RASA3: variants seen among roughly 807,000 people sequenced by gnomAD.
RASA3 encodes the protein ras GTPase-activating protein 3.
RASA3 carries 73 observed loss-of-function variants against 110.0 expected under a neutral mutation model. The observed-to-expected ratio is 0.66, with a 90% confidence interval of 0.55 to 0.81. RASA3 has a LOEUF of 0.81. Among genes scored for constraint, RASA3 ranks in the 30% least tolerant of loss-of-function variants. The probability of loss-of-function intolerance (pLI) is 0.00; values close to 1 mark genes in which losing one functional copy is unlikely to be tolerated. For synonymous variants in RASA3, 500 were observed against 451.4 expected (o/e 1.11, Z -1.37); for missense variants, 976 against 1,113.2 (o/e 0.88, Z 1.75).
intron 1 of RASA3, among the ~76,000 whole-genome samples, chr13:114,116,292 A>T (rs1371245254): frequency 6.6e-6 from 1 of 152,166 alleles, no homozygotes; most frequent in Non-Finnish European, 1.5e-5. Context: ...GCAACTCTGA[A>T]ACACACATAC....
chr13:113,980,206 TCCC>T (rs1390512442), intron 23 of RASA3, among the ~76,000 whole-genome samples: 6 of 131,538 alleles, frequency 4.6e-5, no homozygotes, highest in African/African-American at 8.8e-5. Flanking sequence ...CACCACCTCC[TCCC>T]ATGTGTGTGC....
intron 3 of RASA3, among the ~76,000 whole-genome samples, chr13:114,044,866 C>G (rs2079026803): frequency 6.6e-6 from 1 of 152,036 alleles, no homozygotes; most frequent in Admixed American, 6.5e-5. Context: ...TGAGCTGAAA[C>G]TGGGACGGGA....
chr13:114,095,013 GT>G (rs141151284), intron 1 of RASA3, among the ~76,000 whole-genome samples: 4,672 of 152,284 alleles, frequency 0.031, 127 homozygotes, highest in Non-Finnish European at 0.046. Context: ...CTAGTAGGGG[GT>G]TAAAGGTGAT....
At chr13:114,121,825 C>A (rs2080381624) in intron 1 of RASA3, among the ~76,000 whole-genome samples, 1 of 152,010 alleles carries the variant, frequency 6.6e-6, no homozygotes, top group African/African-American at 2.4e-5. Flanking sequence ...TGTGAGCATA[C>A]ACAGGCCCCC....
At chr13:114,010,822 T>A (rs1359312386) in intron 16 of RASA3, among the ~76,000 whole-genome samples, 5 of 128,598 alleles carry the variant, frequency 3.9e-5, no homozygotes, top group Non-Finnish European at 6.7e-5. Flanking sequence ...GGGGGCTGCG[T>A]GACGAGGAGC....
chr13:113,995,278 C>T (rs555059926), intron 21 of RASA3, among the ~76,000 whole-genome samples: 3 of 152,370 alleles, frequency 2.0e-5, no homozygotes, highest in Middle Eastern at 3.4e-3. Context: ...CATGGGAGAG[C>T]GCTGGCCTCT....
At chr13:114,073,964 GC>G in intron 1 of RASA3, 127 bp from the exon 2 acceptor site, 1 of 827,442 alleles carries the variant, frequency 1.2e-6, no homozygotes. Context: ...TGGTTTTTTT[GC>G]CACCACAAGT....
chr13:114,015,416 C>T (rs965064954), intron 13 of RASA3, 84 bp from the exon 14 acceptor site: 15 of 1,558,578 alleles, frequency 9.6e-6, no homozygotes, highest in Middle Eastern at 3.9e-4. Context: ...GGGAGGGGCG[C>T]GTGGGGAGGG....
intron 3 of RASA3, 121 bp from the exon 4 acceptor site, chr13:114,041,215 C>T: frequency 1.1e-6 from 1 of 884,784 alleles, no homozygotes; most frequent in Non-Finnish European, 1.8e-6. Context: ...CAGAATGGGG[C>T]ACCGGCCGGG....
intron 8 of RASA3, among the ~76,000 whole-genome samples, chr13:114,023,439 C>T (rs914074943): frequency 3.6e-4 from 55 of 152,142 alleles, no homozygotes; most frequent in South Asian, 2.1e-4. Context: ...TGGGAAGATT[C>T]GGGGGCTTCA....
At position 114,024,293 on chromosome 13, in the gene RASA3, G is replaced by C. The variant is rs1362638041; in HGVS notation, c.666C>G (p.Asp222Glu). The change falls in exon 8 of 24, where the codon GAC becomes GAG. Residue 222 changes from aspartate to glutamate, a missense_variant. Coordinates refer to ENST00000334062, the MANE Select transcript of RASA3 (RefSeq NM_007368.4). ...GGTTTTCTCACCTGATTTCGAGCTT[G>C]TCCACGTCTTCCTCCTCAAAGTCAA... ...SHFDFEEEDV[D>E]KLEIRVDLWN... 6.2e-7 allele frequency: 1 copy of C among 1,613,938 alleles called. No homozygotes were observed. The highest frequency in any genetic ancestry group is 8.5e-7 in the Non-Finnish European group (1 of 1,179,966).
intron 20 of RASA3, among the ~76,000 whole-genome samples, chr13:113,999,363 C>T (rs2053329805): frequency 6.6e-6 from 1 of 152,120 alleles, no homozygotes; most frequent in South Asian, 2.1e-4. Context: ...GGTTCCACCC[C>T]ACCCCGGTGA....
intron 1 of RASA3, among the ~76,000 whole-genome samples, chr13:114,132,100 C>A (rs1056786611): frequency 1.3e-5 from 2 of 152,242 alleles, no homozygotes; most frequent in African/African-American, 4.8e-5. Flanking sequence ...TGCAAACACG[C>A]GGGGCACACG....
intron 5 of RASA3, among the ~76,000 whole-genome samples, chr13:114,028,745 T>TG (rs751718644): frequency 3.6e-4 from 11 of 30,242 alleles, no homozygotes; most frequent in African/African-American, 2.0e-3. Flanking sequence ...GGCATCATCC[T>TG]GGGGCCAGGA....
intron 2 of RASA3, among the ~76,000 whole-genome samples, chr13:114,059,168 T>A (rs4883645): frequency 6.6e-6 from 1 of 152,102 alleles, no homozygotes; most frequent in East Asian, 1.9e-4. Flanking sequence ...CAGGGCGAGA[T>A]CCTGTCTCAA....
chr13:114,004,867 C>T (rs1566466350), intron 18 of RASA3, among the ~76,000 whole-genome samples: 1 of 152,212 alleles, frequency 6.6e-6, no homozygotes, highest in Non-Finnish European at 1.5e-5. Context: ...GACACGGAAT[C>T]CACGTGTCCA....
At chr13:114,019,260 G>C (rs1235436501) in intron 9 of RASA3, among the ~76,000 whole-genome samples, 2 of 152,240 alleles carry the variant, frequency 1.3e-5, no homozygotes. Context: ...GTCAGCAGCA[G>C]GTGGAAATGA....
chr13:114,000,812 A>C lies in RASA3; in HGVS notation c.1849+14T>G. On this transcript the variant is annotated intron_variant, in intron 19 of 23. Coordinates refer to ENST00000334062, the MANE Select transcript of RASA3 (RefSeq NM_007368.4). ...GCTCCAGCAAGAGCCAGGGAAAGCG[A>C]CCTTGCTCCTTACCTTTGCTTTTGT... 3 of 1,574,862 alleles carry C rather than the reference A, an allele frequency of 1.9e-6. No homozygotes were observed. Among genetic ancestry groups the C allele is most frequent in the Non-Finnish European group, 2.6e-6 (3 of 1,144,420 alleles).
intron 7 of RASA3, among the ~76,000 whole-genome samples, chr13:114,026,300 T>C (rs1394338794): frequency 6.6e-6 from 1 of 152,290 alleles, no homozygotes; most frequent in Non-Finnish European, 1.5e-5. Flanking sequence ...ACTCGGTCCA[T>C]GCTGCATGCC....
Sources: allele counts gnomAD v4.1 joint callset (sites outside exome capture counted in the v4.1 genomes callset), GRCh38; gene constraint gnomAD v4.1.1; transcripts MANE v1.5; gene names NCBI Gene and HGNC (gene_info 2026-07-23, HGNC 2026-07-21).